Variants in GULP1 observed in about 807,000 individuals in gnomAD.
GULP1 encodes GULP PTB domain containing engulfment adaptor 1, also known as PTB domain-containing engulfment adapter protein 1.
GULP1 carries 19 observed loss-of-function variants against 40.9 expected under a neutral mutation model. The observed-to-expected ratio is 0.46, with a 90% CI of 0.32 to 0.68. The LOEUF is 0.68. Among genes scored for constraint, GULP1 ranks in the 30% least tolerant of loss-of-function variants. The pLI is 0.03. For missense variants in GULP1, 312 were observed against 362.2 expected (o/e 0.86, Z 1.12); for synonymous variants, 119 against 117.6 (o/e 1.01, Z -0.08).
At chr2:188,569,398 G>C (rs756330025) in intron 8 of GULP1, 43 bp downstream of exon 8, 1 of 999,048 alleles carries the variant, frequency 1.0e-6, no homozygotes, top group Non-Finnish European at 1.6e-6. Context: ...TGTGATGTAA[G>C]TACAGGGAAA....
At chr2:188,366,454 A>T (rs529225893) in intron 1 of GULP1, among the ~76,000 whole-genome samples, 2 of 152,276 alleles carry the variant, frequency 1.3e-5, no homozygotes, top group East Asian at 3.9e-4. Context: ...TTAACTGCCC[A>T]GTATAGCATC....
intron 2 of GULP1, among the ~76,000 whole-genome samples, chr2:188,458,950 G>A (rs1198718614): frequency 6.6e-6 from 1 of 152,108 alleles, no homozygotes; most frequent in African/African-American, 2.4e-5. Context: ...TGGGGTGTCT[G>A]TCTTTCTGTG....
intron 1 of GULP1, among the ~76,000 whole-genome samples, chr2:188,358,285 A>G (rs1038274171): frequency 1.3e-5 from 2 of 152,166 alleles, no homozygotes; most frequent in Non-Finnish European, 2.9e-5. Flanking sequence ...AAGCTCAAAA[A>G]GTTGTTTTTA....
intron 2 of GULP1, among the ~76,000 whole-genome samples, chr2:188,434,093 T>G (rs2057176881): frequency 6.6e-6 from 1 of 152,032 alleles, no homozygotes; most frequent in Non-Finnish European, 1.5e-5. Context: ...TAAGAAGAGC[T>G]GACTGAATAA....
At chr2:188,584,492 T>TA in intron 10 of GULP1, 89 bp downstream of exon 10, 1 of 556,158 alleles carries the variant, frequency 1.8e-6, no homozygotes, top group Non-Finnish European at 3.0e-6. Flanking sequence ...TTACATATCT[T>TA]AACAACCTTA....
At chr2:188,344,930 C>T (rs1258643139) in intron 1 of GULP1, among the ~76,000 whole-genome samples, 1 of 152,032 alleles carries the variant, frequency 6.6e-6, no homozygotes, top group Non-Finnish European at 1.5e-5. Context: ...ATAGATATGT[C>T]TTGCAATGTA....
chr2:188,300,370 TA>T (rs1419288531), intron 1 of GULP1, among the ~76,000 whole-genome samples: 4 of 152,066 alleles, frequency 2.6e-5, no homozygotes, highest in Admixed American at 2.6e-4. Flanking sequence ...ATTGAAAAAA[TA>T]ATTTTTTTCT....
At chr2:188,360,030 A>G (rs1196021863) in intron 1 of GULP1, among the ~76,000 whole-genome samples, 1 of 151,924 alleles carries the variant, frequency 6.6e-6, no homozygotes, top group Non-Finnish European at 1.5e-5. Context: ...ATTTTTTGTA[A>G]TGTCAGTTGA....
intron 4 of GULP1, among the ~76,000 whole-genome samples, chr2:188,499,714 T>C (rs1396306125): frequency 2.0e-5 from 3 of 151,880 alleles, no homozygotes; most frequent in Non-Finnish European, 2.9e-5. Flanking sequence ...TGTAATGTTT[T>C]TCTTTTTTAC....
chr2:188,315,201 A>G (rs1016423058), intron 1 of GULP1, among the ~76,000 whole-genome samples: 2 of 152,200 alleles, frequency 1.3e-5, no homozygotes, highest in Non-Finnish European at 2.9e-5. Flanking sequence ...TAGTTTTGCC[A>G]TCTCACTTCA....
At chr2:188,406,809 A>C (rs1019390014) in intron 2 of GULP1, among the ~76,000 whole-genome samples, 1 of 152,114 alleles carries the variant, frequency 6.6e-6, no homozygotes. Flanking sequence ...AAAGAATAAG[A>C]GAACATTTAA....
At chr2:188,437,526 A>G (rs774309364) in intron 2 of GULP1, among the ~76,000 whole-genome samples, 3 of 152,120 alleles carry the variant, frequency 2.0e-5, no homozygotes, top group Non-Finnish European at 4.4e-5. Flanking sequence ...AATGTTTAGT[A>G]GTTCTGAGTT....
intron 2 of GULP1, among the ~76,000 whole-genome samples, chr2:188,455,323 G>A (rs1281242431): frequency 6.6e-6 from 1 of 152,096 alleles, no homozygotes; most frequent in Non-Finnish European, 1.5e-5. Flanking sequence ...TTGAGTACAT[G>A]ATGTGGTGTG....
At chr2:188,402,975 G>A (rs984370402) in intron 2 of GULP1, among the ~76,000 whole-genome samples, 3 of 152,110 alleles carry the variant, frequency 2.0e-5, no homozygotes, top group Non-Finnish European at 1.5e-5. Context: ...TGGCAAAGAT[G>A]GGATTAGAAC....
intron 6 of GULP1, among the ~76,000 whole-genome samples, chr2:188,539,781 C>A (rs1033921036): frequency 2.0e-5 from 3 of 152,080 alleles, no homozygotes; most frequent in Middle Eastern, 3.4e-3. Flanking sequence ...TTCAGTCTGA[C>A]GAGCAGTTAT....
Position 188,298,284 on chromosome 2 carries a change from G to T in GULP1, c.-172+6118G>T, listed in dbSNP as rs567677946. Among the ~76,000 whole-genome samples the T allele has an allele frequency of 1.4e-4, 17 of 121,910 alleles. 1 individual carries two copies. The highest frequency in any genetic ancestry group is 4.1e-4 in the African/African-American group (16 of 39,204). 80.0% of individuals were successfully genotyped at this position (121,910 alleles called of 152,430 possible). On this transcript the variant is annotated intron_variant, in intron 1 of 11. Coordinates refer to ENST00000409830, the MANE Select transcript of GULP1 (RefSeq NM_016315.4). ...GTGCAAATAAATACAGAGAAAGTTT[G>T]GCTGATTAGAAAGAACAATTGCATA...
chr2:188,380,638 T>C (rs993483341), intron 1 of GULP1, among the ~76,000 whole-genome samples: 39 of 152,150 alleles, frequency 2.6e-4, no homozygotes, highest in African/African-American at 8.9e-4. Context: ...GAAAGAAATA[T>C]CCAGGAAAAC....
intron 4 of GULP1, among the ~76,000 whole-genome samples, chr2:188,494,678 A>G (rs1004568113): frequency 3.3e-5 from 5 of 152,072 alleles, no homozygotes; most frequent in Admixed American, 1.3e-4. Flanking sequence ...TAGTCATTTT[A>G]TCTTCCAACC....
intron 1 of GULP1, among the ~76,000 whole-genome samples, chr2:188,309,058 A>G (rs1292354017): frequency 6.6e-6 from 1 of 152,094 alleles, no homozygotes; most frequent in East Asian, 1.9e-4. Flanking sequence ...GTTAACATTT[A>G]TATTGTTACT....
Sources: allele counts gnomAD v4.1 joint callset (sites outside exome capture counted in the v4.1 genomes callset), GRCh38; gene constraint gnomAD v4.1.1; transcripts MANE v1.5; gene names NCBI Gene and HGNC (gene_info 2026-07-23, HGNC 2026-07-21).